The following LRRC61 variants were observed in gnomAD, a reference collection of about 807,000 sequenced individuals.
The protein encoded by LRRC61 is leucine rich repeat containing 61.
In LRRC61, 9 loss-of-function variants were observed where a neutral mutation model predicts 15.1. The observed-to-expected ratio is 0.60, with a 90% CI of 0.36 to 1.04. The LOEUF is 1.04. Among genes scored for constraint, LRRC61 ranks in the 50% least tolerant of loss-of-function variants. The pLI, the probability that LRRC61 is intolerant of heterozygous loss-of-function variation, is 0.01. For missense variants in LRRC61, 344 were observed against 335.6 expected, an observed-to-expected ratio of 1.03 and a Z score of -0.20; for synonymous variants, 173 against 158.6, an observed-to-expected ratio of 1.09 and a Z score of -0.68.
Position 150,337,276 on chromosome 7 carries a change from C to T in LRRC61, c.415C>T (p.Pro139Ser), listed in dbSNP as rs1458094136. 2.5e-6 allele frequency: 4 copies of T among 1,603,588 alleles called. No homozygotes were observed. Among genetic ancestry groups the T allele is most frequent in the African/African-American group, 2.7e-5 (2 of 75,054 alleles). ...AGACCCTTTGGCCCGGCTCAGCAAC[C>T]CGCTCTGTGCCAACCCCTCCTACTG... Reference protein sequence around the residue: ...LRDPLARLSNPLCANPSYWAA... With the variant: ...LRDPLARLSNSLCANPSYWAA... The change falls in exon 3 of 3, where the codon CCG (proline) becomes TCG (serine). Residue 139 changes from proline (P) to serine (S), a missense_variant. Physicochemically the swap from Pro to Ser is moderately conservative, Grantham distance 74. Coordinates refer to ENST00000359623, the MANE Select transcript of LRRC61 (RefSeq NM_001142928.2).
chr7:150,314,980 AT>A, the LRRC61 span, among the ~76,000 whole-genome samples: 7 of 147,640 alleles, frequency 4.7e-5, no homozygotes, highest in African/African-American at 1.7e-4. Flanking sequence ...AAATAGTATT[AT>A]TTTTAATAAT....
chr7:150,315,996 G>A, the LRRC61 span, among the ~76,000 whole-genome samples: 11 of 152,270 alleles, frequency 7.2e-5, no homozygotes, highest in South Asian at 4.2e-4. Context: ...TCAGGAGTTC[G>A]AGACCAGCCT....
At chr7:150,331,106 C>T in intron 2 of LRRC61, 2 of 1,608,980 alleles carry the variant, frequency 1.2e-6, no homozygotes, top group Non-Finnish European at 1.7e-6. Context: ...CCCACAGGAG[C>T]CTTCTCTGAA....
Position 150,336,916 on chromosome 7 carries a change from C to T in LRRC61, c.55C>T (p.Gln19Ter), listed in dbSNP as rs1798314240. The T allele has an allele frequency of 1.2e-6, 2 of 1,613,480 alleles. No individual in the cohort carries two copies. Residue 19 changes from glutamine to a stop codon, truncating the protein, a stop_gained, in exon 3 of 3, where the codon CAG becomes TAG. Transcript: ENST00000359623. LOFTEE classifies it high-confidence loss of function. ...GGCTGGCGGACTGCAGATCACACCC[C>T]AGCTGCTGAAGTCACGCACAGGCGA... ...GEAGGLQITP[Q>*]LLKSRTGEFS...
Position 150,337,911 on chromosome 7 carries a change from A to G in LRRC61, c.*270A>G. 1 of 536,544 alleles carries G rather than the reference A, an allele frequency of 1.9e-6. No homozygotes were observed. The highest frequency in any genetic ancestry group is 3.4e-6 in the Non-Finnish European group (1 of 297,630). 33.2% of individuals were successfully genotyped at this position (536,544 alleles called of 1,614,324 possible). On this transcript the variant is annotated 3_prime_UTR_variant, in exon 3 of 3. Transcript: ENST00000359623. ...CCACTCTGGGCTGCTCCAGCCTGCA[A>G]CTTAGTGGAAGGAATTACTTCCTCC... is the stretch of plus-strand genomic sequence containing the variant.
the LRRC61 span, among the ~76,000 whole-genome samples, chr7:150,316,356 G>A: frequency 6.6e-6 from 1 of 152,216 alleles, no homozygotes; most frequent in South Asian, 2.1e-4. Context: ...TTCGACTGTA[G>A]TAGCTTTAAA....
intron 2 of LRRC61, chr7:150,328,826 G>T (rs11764936): frequency 0.24 from 36,500 of 152,122 alleles, 4,492 homozygotes; most frequent in East Asian, 0.29. Flanking sequence ...AAAATTTAGC[G>T]TTCCCAAGTC....
chr7:150,332,046 A>C (rs1415628882), intron 2 of LRRC61: 1 of 167,102 alleles, frequency 6.0e-6, no homozygotes, highest in Admixed American at 6.5e-5. Context: ...CAGTGACAGC[A>C]GCCTCAGTAG....
In LRRC61 at chr7:150,333,660, T is replaced by C. The variant is rs1298398954; in HGVS notation, c.-144-3058T>C. Among the ~76,000 whole-genome samples, 1 of 152,228 alleles carries C rather than the reference T, an allele frequency of 6.6e-6. No individual in the cohort carries two copies. Among genetic ancestry groups the C allele is most frequent in the Non-Finnish European group, 1.5e-5 (1 of 68,038 alleles). On this transcript the variant is annotated intron_variant, in intron 2 of 2. Coordinates refer to ENST00000359623, the MANE Select transcript of LRRC61 (RefSeq NM_001142928.2). This position sits in a 1 kb window ranked among gnomAD's most constrained non-coding sequence, Gnocchi z 4.3. ...GCCCAAGTGCCATCCTTGTCACCAG[T>C]CCTCTTTCCAGACTCTGTTGCTGGG... is the stretch of plus-strand genomic sequence containing the variant.
upstream of LRRC61, among the ~76,000 whole-genome samples, chr7:150,322,377 A>T (rs1585032149): frequency 6.6e-6 from 1 of 152,286 alleles, no homozygotes; most frequent in Non-Finnish European, 1.5e-5. Context: ...GCAGTAAAGA[A>T]GCTGGCTAAA....
chr7:150,322,557 G>A (rs2129617858), upstream of LRRC61: 1 of 152,338 alleles, frequency 6.6e-6, no homozygotes, highest in Non-Finnish European at 1.5e-5. Flanking sequence ...GTCTAAAAAG[G>A]GGAGGAAGCC....
At chr7:150,331,538 T>G in intron 2 of LRRC61, 1 of 180,980 alleles carries the variant, frequency 5.5e-6, no homozygotes, top group Non-Finnish European at 1.3e-5. Context: ...TTCCTTTACG[T>G]CTAGCAGTAT....
chr7:150,322,221 T>A (rs761074769), upstream of LRRC61, among the ~76,000 whole-genome samples: 1 of 152,086 alleles, frequency 6.6e-6, no homozygotes, highest in Non-Finnish European at 1.5e-5. Flanking sequence ...GTGTCAGAGG[T>A]GTTTAAGCCA....
At chr7:150,323,827 A>G (rs528423339) in intron 1 of LRRC61, 1 of 391,412 alleles carries the variant, frequency 2.6e-6, no homozygotes, top group East Asian at 9.7e-5. Flanking sequence ...GTAGACGAGG[A>G]AACCGAGGCG....
At chr7:150,331,366 T>A (rs1798104665) in intron 2 of LRRC61, 2 of 441,410 alleles carry the variant, frequency 4.5e-6, no homozygotes, top group South Asian at 1.1e-4. Context: ...AGAGAGCCCC[T>A]GCCTGTAATA....
intron 2 of LRRC61, among the ~76,000 whole-genome samples, chr7:150,327,852 G>A (rs1797995156): frequency 6.6e-6 from 1 of 150,544 alleles, no homozygotes; most frequent in South Asian, 2.1e-4. Flanking sequence ...TTGCACTTGC[G>A]TAAAAGTTCC....
chr7:150,325,532 A>G (rs1797939220), intron 1 of LRRC61, among the ~76,000 whole-genome samples: 1 of 152,164 alleles, frequency 6.6e-6, no homozygotes, highest in South Asian at 2.1e-4. Flanking sequence ...CAGTGGTGCA[A>G]TCACGGCTCA....
Position 150,337,517 on chromosome 7 carries a change from C to T in LRRC61, c.656C>T (p.Ala219Val), listed in dbSNP as rs1400323384. 2 of 1,603,254 alleles carry T rather than the reference C, an allele frequency of 1.2e-6. No homozygotes were observed. The highest frequency in any genetic ancestry group is 1.7e-6 in the Non-Finnish European group (2 of 1,178,740). ...PSRSSSILEE[A>V]CRQFQDTLQE... Reference sequence around the variant, plus strand: ...CGGAGCAGCTCCATCCTGGAGGAGGCCTGCCGGCAGTTCCAGGACACACTG... The same window carrying T: ...CGGAGCAGCTCCATCCTGGAGGAGGTCTGCCGGCAGTTCCAGGACACACTG... The change falls in exon 3 of 3, where the codon GCC becomes GTC. Residue 219 changes from alanine (A) to valine (V), a missense_variant. Coordinates refer to ENST00000359623, the MANE Select transcript of LRRC61 (RefSeq NM_001142928.2).
intron 2 of LRRC61, chr7:150,331,868 T>A (rs976536901): frequency 1.8e-5 from 3 of 167,040 alleles, no homozygotes; most frequent in African/African-American, 7.2e-5. Context: ...CAGAGGGAAG[T>A]ACACACATAC....
Sources: gnomAD v4.1 joint callset for allele counts (sites outside exome capture counted in the v4.1 genomes callset) on GRCh38, gnomAD v4.1.1 for gene constraint, Gnocchi (gnomAD v3.1) non-coding constraint, MANE v1.5 for transcripts, NCBI Gene and HGNC (gene_info 2026-07-23, HGNC 2026-07-21) for gene names.